Variants in OCIAD1 observed in about 807,000 individuals in gnomAD.
The protein encoded by OCIAD1 is OCIA domain-containing protein 1.
OCIAD1 carries 29 observed loss-of-function variants against 38.9 expected under a neutral mutation model. The observed-to-expected ratio is 0.74, with a 90% confidence interval of 0.55 to 1.02. The LOEUF (loss-of-function observed/expected upper bound fraction) is 1.02. Among genes scored for constraint, OCIAD1 ranks in the 50% least tolerant of loss-of-function variants. The pLI is 0.00. For missense variants in OCIAD1, 288 were observed against 289.6 expected, an observed-to-expected ratio of 0.99 and a Z score of 0.04; for synonymous variants, 110 against 92.0, an observed-to-expected ratio of 1.20 and a Z score of -1.12.
At chr4:48,852,805 G>A (rs1441837179) in intron 7 of OCIAD1, among the ~76,000 whole-genome samples, 1 of 151,844 alleles carries the variant, frequency 6.6e-6, no homozygotes, top group Non-Finnish European at 1.5e-5. Flanking sequence ...ATTAGAAACG[G>A]GAAATACAGG....
intron 1 of OCIAD1, among the ~76,000 whole-genome samples, chr4:48,809,613 C>T (rs1777065199): frequency 6.6e-6 from 1 of 152,156 alleles, no homozygotes; most frequent in South Asian, 2.1e-4. Context: ...GATACGGCCT[C>T]TGTCTACCTT....
At chr4:48,854,610 A>G (rs1779839569) in intron 7 of OCIAD1, among the ~76,000 whole-genome samples, 1 of 152,158 alleles carries the variant, frequency 6.6e-6, no homozygotes, top group South Asian at 2.1e-4. Flanking sequence ...TTTGGTATCT[A>G]CCCACAGACT....
Position 48,860,860 on chromosome 4 carries a change from AAC to A in OCIAD1, c.*102_*103del. ...TTTGAGCTCAGCAGCAGTCTTCATA[AAC>A]ACATTTAAAACAAGATCCTGGGTTT... On this transcript the variant is annotated 3_prime_UTR_variant, in exon 9 of 9. Coordinates refer to ENST00000264312, the MANE Select transcript of OCIAD1 (RefSeq NM_017830.4). The A allele has an allele frequency of 1.2e-6, 1 of 860,526 alleles. No homozygotes were observed. Among genetic ancestry groups the A allele is most frequent in the Non-Finnish European group, 1.9e-6 (1 of 518,014 alleles). 53.3% of individuals were successfully genotyped at this position (860,526 alleles called of 1,614,324 possible).
At chr4:48,817,048 C>T (rs1055092847) in intron 1 of OCIAD1, among the ~76,000 whole-genome samples, 5 of 152,314 alleles carry the variant, frequency 3.3e-5, no homozygotes, top group Admixed American at 6.5e-5. Flanking sequence ...GCAAGACCAA[C>T]GCAGAAGGTG....
At chr4:48,826,474 G>T (rs923280849), upstream of OCIAD1, among the ~76,000 whole-genome samples, 1 of 152,052 alleles carries the variant, frequency 6.6e-6, no homozygotes, top group African/African-American at 2.4e-5. Context: ...CCCTACAAAG[G>T]ACATGAACTC....
At chr4:48,811,120 G>GT (rs1256748816) in intron 1 of OCIAD1, among the ~76,000 whole-genome samples, 1 of 152,072 alleles carries the variant, frequency 6.6e-6, no homozygotes, top group Non-Finnish European at 1.5e-5. Flanking sequence ...GACTCCCAAA[G>GT]TGCTGGCATT....
chr4:48,836,749 C>T (rs1321774772), intron 3 of OCIAD1, among the ~76,000 whole-genome samples: 3 of 152,120 alleles, frequency 2.0e-5, no homozygotes, highest in Non-Finnish European at 2.9e-5. Flanking sequence ...TCATTTTATC[C>T]ACCAATATTC....
intron 1 of OCIAD1, among the ~76,000 whole-genome samples, chr4:48,815,429 T>A (rs1302664661): frequency 6.6e-6 from 1 of 152,182 alleles, no homozygotes; most frequent in African/African-American, 2.4e-5. Context: ...TGGGAGGTAA[T>A]TGTCTTGAAA....
chr4:48,811,986 A>T (rs1579032938), intron 1 of OCIAD1, among the ~76,000 whole-genome samples: 1 of 152,278 alleles, frequency 6.6e-6, no homozygotes, highest in East Asian at 1.9e-4. Context: ...GGTCTATACT[A>T]GAAAACTAAA....
chr4:48,825,126 C>G (rs1237960750), intron 1 of OCIAD1, among the ~76,000 whole-genome samples: 1 of 152,174 alleles, frequency 6.6e-6, no homozygotes, highest in Non-Finnish European at 1.5e-5. Flanking sequence ...ATGGACACCA[C>G]AAAAAGGACA....
At chr4:48,837,915 T>C (rs951208108) in intron 3 of OCIAD1, among the ~76,000 whole-genome samples, 3 of 152,162 alleles carry the variant, frequency 2.0e-5, no homozygotes, top group African/African-American at 7.2e-5. Flanking sequence ...TAGTGAACAA[T>C]GTCAGGATGC....
chr4:48,855,660 T>C (rs1197232816), intron 7 of OCIAD1, among the ~76,000 whole-genome samples: 1 of 151,984 alleles, frequency 6.6e-6, no homozygotes, highest in African/African-American at 2.4e-5. Context: ...CTACTAAAAA[T>C]GCAAAATTAG....
intron 1 of OCIAD1, among the ~76,000 whole-genome samples, chr4:48,822,955 G>C (rs747469306): frequency 6.6e-6 from 1 of 152,202 alleles, no homozygotes; most frequent in Non-Finnish European, 1.5e-5. Context: ...GTGTAAATTA[G>C]TTCAACCATT....
intron 3 of OCIAD1, among the ~76,000 whole-genome samples, chr4:48,839,435 CAA>C (rs34347200): frequency 7.6e-5 from 9 of 119,176 alleles, no homozygotes; most frequent in Non-Finnish European, 1.2e-4. Flanking sequence ...GACTTCATCT[CAA>C]AAAAAAAAAA....
chr4:48,808,439 C>T (rs1579031774), intron 1 of OCIAD1, among the ~76,000 whole-genome samples: 1 of 151,982 alleles, frequency 6.6e-6, no homozygotes, highest in African/African-American at 2.4e-5. Context: ...CACTGCACTC[C>T]AGCCTGGGTG....
upstream of OCIAD1, chr4:48,830,924 G>C (rs2109504042): frequency 6.4e-6 from 1 of 156,592 alleles, no homozygotes; most frequent in Admixed American, 6.1e-5. Flanking sequence ...CGCCGCTGTC[G>C]CCTGCGCAGT....
intron 1 of OCIAD1, among the ~76,000 whole-genome samples, chr4:48,831,698 T>G (rs552842697): frequency 6.6e-6 from 1 of 152,224 alleles, no homozygotes; most frequent in East Asian, 1.9e-4. Flanking sequence ...TCTCATACGG[T>G]TGTAGGGTAA....
intron 8 of OCIAD1, among the ~76,000 whole-genome samples, chr4:48,858,920 C>T (rs927052328): frequency 3.3e-5 from 5 of 152,096 alleles, no homozygotes; most frequent in Non-Finnish European, 7.4e-5. Context: ...AGAGGACATT[C>T]GAATAGGGTT....
At chr4:48,807,359 G>A (rs1777038730) in intron 1 of OCIAD1, among the ~76,000 whole-genome samples, 1 of 151,946 alleles carries the variant, frequency 6.6e-6, no homozygotes, top group South Asian at 2.1e-4. Context: ...CTAATCTAGA[G>A]CATGGACTAG....
Sources: allele counts gnomAD v4.1 joint callset (sites outside exome capture counted in the v4.1 genomes callset), GRCh38; gene constraint gnomAD v4.1.1; transcripts MANE v1.5; gene names NCBI Gene and HGNC (gene_info 2026-07-23, HGNC 2026-07-21).